Variants in DLGAP2 observed in about 807,000 individuals in gnomAD.
DLGAP2 encodes DLG associated protein 2.
DLGAP2 carries 26 observed loss-of-function variants against 100.3 expected under a neutral mutation model. The observed-to-expected ratio is 0.26, with a 90% CI of 0.19 to 0.36. The LOEUF is 0.36. Ranked by LOEUF, DLGAP2 falls within the 10% of genes least tolerant of loss-of-function variation. The pLI is 1.00. For missense variants in DLGAP2, 1,858 were observed against 1,453.2 expected (o/e 1.28, Z -4.53); for synonymous variants, 886 against 630.1 (o/e 1.41, Z -6.08).
At chr8:1,000,486 TC>T (rs1362533310) in intron 2 of DLGAP2, among the ~76,000 whole-genome samples, 1 of 151,792 alleles carries the variant, frequency 6.6e-6, no homozygotes, top group Non-Finnish European at 1.5e-5. Context: ...AGCGGACAGA[TC>T]CGGGTGGGGG....
chr8:902,075 G>GC lies in DLGAP2; in HGVS notation c.19-5836dup, dbSNP rs1365773591. Among the ~76,000 whole-genome samples the GC allele has an allele frequency of 7.2e-5, 11 of 152,324 alleles. No individual in the cohort carries two copies. The South Asian group carries it at 1.0e-3, about 14-fold the overall frequency. On this transcript the variant is annotated intron_variant, in intron 1 of 14. Coordinates refer to ENST00000637795, the MANE Select transcript of DLGAP2 (RefSeq NM_001346810.2). ...ACCGAGGAACCCTGGTGGGTCCACC[G>GC]CAGAGGGATTGCTCAGGAATGTTGC...
chr8:1,136,746 A>G (rs1391285864), intron 2 of DLGAP2, among the ~76,000 whole-genome samples: 3 of 152,336 alleles, frequency 2.0e-5, no homozygotes, highest in East Asian at 3.9e-4. Context: ...GCTGGCAAAC[A>G]TGGAGGCCAG....
intron 3 of DLGAP2, among the ~76,000 whole-genome samples, chr8:1,314,688 G>T (rs1223540397): frequency 6.6e-6 from 1 of 152,140 alleles, no homozygotes; most frequent in Non-Finnish European, 1.5e-5. Flanking sequence ...GGCTGCTGGG[G>T]GCCCCTCTCC....
intron 1 of DLGAP2, among the ~76,000 whole-genome samples, chr8:828,844 C>T (rs759538933): frequency 3.9e-5 from 6 of 152,184 alleles, no homozygotes; most frequent in African/African-American, 7.2e-5. Flanking sequence ...TGGCTTCAGC[C>T]GGTCCCTCCG....
At chr8:1,221,409 G>C (rs1370910375) in intron 2 of DLGAP2, among the ~76,000 whole-genome samples, 1 of 152,166 alleles carries the variant, frequency 6.6e-6, no homozygotes, top group Non-Finnish European at 1.5e-5. Context: ...TTTCTTTACG[G>C]ATGCTGAATA....
intron 1 of DLGAP2, among the ~76,000 whole-genome samples, chr8:746,019 C>A (rs1195186133): frequency 3.3e-5 from 5 of 152,228 alleles, no homozygotes; most frequent in Non-Finnish European, 7.3e-5. Context: ...CCCCTCAACA[C>A]TCTGCCCCCG....
chr8:1,286,617 C>T (rs932821858), intron 3 of DLGAP2, among the ~76,000 whole-genome samples: 4 of 152,204 alleles, frequency 2.6e-5, no homozygotes, highest in African/African-American at 9.6e-5. Context: ...CTGTAATGAT[C>T]TAGTCTGACC....
chr8:1,609,698 C>A (rs1422733240), intron 6 of DLGAP2, among the ~76,000 whole-genome samples: 1 of 103,522 alleles, frequency 9.7e-6, no homozygotes, highest in Non-Finnish European at 2.0e-5. Flanking sequence ...GGAAGATCTA[C>A]CAAGCAAATG....
chr8:848,390 G>C (rs1010244571), intron 1 of DLGAP2, among the ~76,000 whole-genome samples: 1 of 119,136 alleles, frequency 8.4e-6, no homozygotes, highest in Non-Finnish European at 1.9e-5. Context: ...TGCGGTGCGT[G>C]TTCCAGTGTA....
chr8:1,156,639 G>GCCCAGCGCCCCAGCTCAGCGCCCCA (rs1554493440), intron 2 of DLGAP2, among the ~76,000 whole-genome samples: 2 of 147,436 alleles, frequency 1.4e-5, no homozygotes, highest in East Asian at 2.0e-4. Context: ...CCAGCGCCCC[G>GCCCAGCGCCCCAGCTCAGCGCCCCA]GCTCAGCGCC....
chr8:1,310,409 A>T (rs1800587237), intron 3 of DLGAP2, among the ~76,000 whole-genome samples: 1 of 152,202 alleles, frequency 6.6e-6, no homozygotes. Flanking sequence ...AGTAAGGGGT[A>T]GCTCTAATCA....
At chr8:1,005,246 C>T (rs942684444) in intron 2 of DLGAP2, among the ~76,000 whole-genome samples, 10 of 152,158 alleles carry the variant, frequency 6.6e-5, no homozygotes, top group African/African-American at 2.4e-4. Context: ...GAGGGAACAG[C>T]TGTGGAGCTT....
intron 3 of DLGAP2, among the ~76,000 whole-genome samples, chr8:1,458,442 C>T (rs561191324): frequency 6.6e-6 from 1 of 152,138 alleles, no homozygotes; most frequent in African/African-American, 2.4e-5. Flanking sequence ...GATGAGATGA[C>T]TGATACTTCA....
intron 3 of DLGAP2, among the ~76,000 whole-genome samples, chr8:1,419,124 T>C (rs1433300551): frequency 6.6e-6 from 1 of 152,252 alleles, no homozygotes; most frequent in East Asian, 1.9e-4. Flanking sequence ...GTTTTGTTTT[T>C]CCATTTTAAA....
At chr8:1,453,486 G>A (rs1048737268) in intron 3 of DLGAP2, among the ~76,000 whole-genome samples, 3 of 152,102 alleles carry the variant, frequency 2.0e-5, no homozygotes, top group Non-Finnish European at 2.9e-5. Flanking sequence ...CTGGAGTGTT[G>A]GCGTGGCTGC....
intron 3 of DLGAP2, among the ~76,000 whole-genome samples, chr8:1,303,651 C>G (rs557056878): frequency 2.6e-5 from 4 of 152,180 alleles, no homozygotes; most frequent in Non-Finnish European, 5.9e-5. Context: ...ACACTCCTAA[C>G]TCCCCAACAC....
intron 1 of DLGAP2, among the ~76,000 whole-genome samples, chr8:853,182 C>G (rs1270457514): frequency 3.3e-5 from 5 of 152,190 alleles, no homozygotes; most frequent in African/African-American, 1.2e-4. Flanking sequence ...CTCGGCACAG[C>G]TGCAGGACAG....
intron 1 of DLGAP2, among the ~76,000 whole-genome samples, chr8:848,967 T>C (rs537450665): frequency 2.0e-5 from 3 of 150,428 alleles, no homozygotes; most frequent in Non-Finnish European, 4.4e-5. Flanking sequence ...TGTTCCAGCA[T>C]AGGATCGTGA....
chr8:799,754 A>G (rs1796109709), intron 1 of DLGAP2, among the ~76,000 whole-genome samples: 1 of 152,038 alleles, frequency 6.6e-6, no homozygotes, highest in Admixed American at 6.6e-5. Context: ...ACGCCCCCAC[A>G]TCCAGCTAAT....
Sources: allele counts gnomAD v4.1 joint callset (sites outside exome capture counted in the v4.1 genomes callset), GRCh38; gene constraint gnomAD v4.1.1; transcripts MANE v1.5; gene names NCBI Gene and HGNC (gene_info 2026-07-23, HGNC 2026-07-21).